The following DAPK1 variants were observed in gnomAD, a reference collection of about 807,000 sequenced individuals.
DAPK1 encodes death associated protein kinase 1.
A neutral mutation model predicts 144.9 loss-of-function variants in DAPK1; 56 were observed. The ratio of observed to expected loss-of-function variants is 0.39; its 90% CI spans 0.31 to 0.48. DAPK1 has a LOEUF of 0.48. Among genes scored for constraint, DAPK1 ranks in the 20% least tolerant of loss-of-function variants. DAPK1 has a pLI of 0.95. For missense variants in DAPK1, 1,454 were observed against 1,875.4 expected (o/e 0.78, Z 4.15); for synonymous variants, 690 against 749.0 (o/e 0.92, Z 1.29).
intron 2 of DAPK1, among the ~76,000 whole-genome samples, chr9:87,556,925 A>T (rs1478231125): frequency 6.6e-6 from 1 of 152,166 alleles, no homozygotes; most frequent in Non-Finnish European, 1.5e-5. Context: ...CCAGTCCTGC[A>T]GTTGTGGGTG....
intron 3 of DAPK1, among the ~76,000 whole-genome samples, chr9:87,636,125 G>A (rs1427877360): frequency 6.6e-6 from 1 of 152,210 alleles, no homozygotes; most frequent in Non-Finnish European, 1.5e-5. Context: ...GGAGGGGAGA[G>A]GGTGGGGGCA....
In DAPK1 at chr9:87,557,238, C is replaced by T. The variant is rs558337969; in HGVS notation, c.63-47716C>T. ...GGCAGCCACACATCCATCCAGGCAG[C>T]CCCATGAGGAATGCTCAGATCCATC... On this transcript the variant is annotated intron_variant, in intron 2 of 25. Transcript: ENST00000408954. Among the ~76,000 whole-genome samples the T allele has an allele frequency of 1.1e-3, 163 of 152,274 alleles. 1 individual carries two copies. The highest frequency in any genetic ancestry group is 1.6e-3 in the Non-Finnish European group (109 of 68,016).
intron 10 of DAPK1, among the ~76,000 whole-genome samples, chr9:87,642,840 T>G (rs1830141153): frequency 6.6e-6 from 1 of 152,216 alleles, no homozygotes; most frequent in East Asian, 1.9e-4. Context: ...TCGCTCTCAT[T>G]CTTTAACTGT....
At chr9:87,572,761 A>G (rs1827406237) in intron 2 of DAPK1, among the ~76,000 whole-genome samples, 1 of 152,140 alleles carries the variant, frequency 6.6e-6, no homozygotes, top group African/African-American at 2.4e-5. Context: ...TCGTGAGCCA[A>G]TTAAACTTCT....
At chr9:87,544,832 C>T (rs950412366) in intron 2 of DAPK1, among the ~76,000 whole-genome samples, 3 of 152,152 alleles carry the variant, frequency 2.0e-5, no homozygotes, top group Non-Finnish European at 4.4e-5. Context: ...GGAAGAAAGA[C>T]ATTTTGCTAG....
At chr9:87,535,996 T>C (rs959637147) in intron 2 of DAPK1, among the ~76,000 whole-genome samples, 2 of 152,240 alleles carry the variant, frequency 1.3e-5, no homozygotes, top group African/African-American at 4.8e-5. Flanking sequence ...ACTTGATTTT[T>C]CAAAGAGGGT....
At position 87,706,386 on chromosome 9, in the gene DAPK1, C is replaced by T. The variant is rs1376872834; in HGVS notation, c.3315C>T (p.Ala1105=). Residue 1105 remains alanine (A), a synonymous_variant, in exon 26 of 26, where the codon GCC becomes GCT. Transcript: ENST00000408954. This position sits in a 1 kb window ranked among gnomAD's most constrained non-coding sequence, Gnocchi z 9.0. ...LSSGTMVDVP[A]LIKTDNLHRS... ...GCGGGACCATGGTGGACGTCCCAGC[C>T]CTGATCAAGACAGACAACCTGCACC... The T allele has an allele frequency of 1.9e-6, 3 of 1,611,744 alleles. No homozygotes were observed. The highest frequency in any genetic ancestry group is 8.5e-7 in the Non-Finnish European group (1 of 1,178,980).
chr9:87,568,623 A>T (rs546785155), intron 2 of DAPK1, among the ~76,000 whole-genome samples: 178 of 152,270 alleles, frequency 1.2e-3, no homozygotes, highest in Non-Finnish European at 2.2e-3. Flanking sequence ...TTGCAGCCTG[A>T]CCGTGCCTCC....
intron 19 of DAPK1, among the ~76,000 whole-genome samples, chr9:87,680,756 A>G (rs1473099072): frequency 1.3e-5 from 2 of 152,178 alleles, no homozygotes; most frequent in Non-Finnish European, 1.5e-5. Flanking sequence ...GACAGAAAAC[A>G]TCTCTATGGT....
chr9:87,506,646 T>G (rs1824606688), intron 2 of DAPK1, among the ~76,000 whole-genome samples: 1 of 152,234 alleles, frequency 6.6e-6, no homozygotes, highest in Non-Finnish European at 1.5e-5. Flanking sequence ...TGTGATTGTT[T>G]GAGACTTTAT....
chr9:87,642,332 A>G (rs959703819), intron 10 of DAPK1, among the ~76,000 whole-genome samples: 2 of 152,248 alleles, frequency 1.3e-5, no homozygotes, highest in Non-Finnish European at 2.9e-5. Flanking sequence ...CTGTAAAATT[A>G]TAGTGAAATT....
chr9:87,701,060 TTCATTAAACCTATTA>T (rs1564078127), intron 24 of DAPK1, among the ~76,000 whole-genome samples: 1 of 152,134 alleles, frequency 6.6e-6, no homozygotes, highest in African/African-American at 2.4e-5. Flanking sequence ...CATGGAAAAA[TTCATTAAACCTATTA>T]TAAAGCCCCT....
intron 18 of DAPK1, among the ~76,000 whole-genome samples, chr9:87,665,277 T>C: frequency 6.6e-6 from 1 of 152,196 alleles, no homozygotes; most frequent in East Asian, 1.9e-4. Flanking sequence ...GCTGTATCCA[T>C]AGCCCTGTGC....
intron 2 of DAPK1, among the ~76,000 whole-genome samples, chr9:87,571,454 CACACACACACACACACACACCA>C (rs1443073884): frequency 4.4e-4 from 27 of 61,054 alleles, no homozygotes; most frequent in African/African-American, 1.9e-3. Flanking sequence ...CACACACACA[CACACACACACACACACACACCA>C]ACACACACAC....
At position 87,593,362 on chromosome 9, in the gene DAPK1, A is replaced by G. The variant is rs374479333; in HGVS notation, c.63-11592A>G. ...AGGGTCCCAAACCTACCCTTTAAAA[A>G]CATGCAGGCAAATAGTATCTTGACT... is the stretch of plus-strand genomic sequence containing the variant. On this transcript the variant is annotated intron_variant, in intron 2 of 25. Coordinates refer to ENST00000408954, the MANE Select transcript of DAPK1 (RefSeq NM_004938.4). Among the ~76,000 whole-genome samples the G allele has an allele frequency of 2.9e-3, 440 of 152,354 alleles. 2 individuals carry two copies. The highest frequency in any genetic ancestry group is 0.01 in the African/African-American group (423 of 41,590).
rs893824905 is a variant in DAPK1 at position 87,707,475 on chromosome 9, CA to C, written c.*112del. ...GGGTGTTTCTTCCTGCACCCACAGC[CA>C]GGGGGATGCCACTCCTCCCTCCGGC... On this transcript the variant is annotated 3_prime_UTR_variant, in exon 26 of 26. Coordinates refer to ENST00000408954, the MANE Select transcript of DAPK1 (RefSeq NM_004938.4). The surrounding 1 kb of genome is among the most constrained non-coding windows in gnomAD (Gnocchi z 4.0). 4 of 698,054 alleles carry C rather than the reference CA, an allele frequency of 5.7e-6. No homozygotes were observed. The highest frequency in any genetic ancestry group is 2.7e-5 in the East Asian group (1 of 36,936). The allele number at this position is 698,054 out of a possible 1,614,324, so 43.2% of individuals were successfully genotyped here.
intron 3 of DAPK1, among the ~76,000 whole-genome samples, chr9:87,610,287 C>G (rs1380848314): frequency 6.6e-6 from 1 of 152,230 alleles, no homozygotes; most frequent in Non-Finnish European, 1.5e-5. Flanking sequence ...TCCTCCACGT[C>G]CCATTGTTCT....
Position 87,520,105 on chromosome 9 carries a change from T to G in DAPK1, c.62+20966T>G, listed in dbSNP as rs149060837. On this transcript the variant is annotated intron_variant, in intron 2 of 25. Coordinates refer to ENST00000408954, the MANE Select transcript of DAPK1 (RefSeq NM_004938.4). ...GACTTCTTCCCAGGTAAGTTTTAAT[T>G]GCTTCTCATGCTTGTAGAAAGGTGT... Among the ~76,000 whole-genome samples the G allele has an allele frequency of 1.7e-3, 264 of 152,308 alleles. 1 individual carries two copies. Among genetic ancestry groups the G allele is most frequent in the African/African-American group, 5.2e-3 (217 of 41,550 alleles).
chr9:87,659,530 AGCAGCTGACGCT>A (rs1291198780), intron 18 of DAPK1, among the ~76,000 whole-genome samples: 1 of 152,246 alleles, frequency 6.6e-6, no homozygotes, highest in East Asian at 1.9e-4. Context: ...TGAAGATGCC[AGCAGCTGACGCT>A]GCTGATTCCC....
Sources: allele counts gnomAD v4.1 joint callset (sites outside exome capture counted in the v4.1 genomes callset), GRCh38; gene constraint gnomAD v4.1.1; non-coding constraint Gnocchi (gnomAD v3.1); transcripts MANE v1.5; gene names NCBI Gene and HGNC (gene_info 2026-07-23, HGNC 2026-07-21).